The following PRRG1 variants were observed in gnomAD, a reference collection of about 807,000 sequenced individuals.
PRRG1 encodes the protein proline rich and Gla domain 1.
In PRRG1, 5 loss-of-function variants were observed where a neutral mutation model predicts 11.8. That is an observed-to-expected ratio of 0.42 (90% confidence interval 0.22 to 0.89). The LOEUF (loss-of-function observed/expected upper bound fraction) is 0.89. PRRG1 is among the 40% of genes least tolerant of loss of function. PRRG1 has a pLI of 0.28. For synonymous variants in PRRG1, 66 were observed against 60.4 expected (o/e 1.09, Z -0.43); for missense variants, 155 against 166.1 (o/e 0.93, Z 0.37).
chrX:37,432,325 A>G (rs1602029376), intron 3 of PRRG1, among the ~76,000 whole-genome samples: 1 of 108,467 alleles, frequency 9.2e-6, no homozygotes, highest in South Asian at 4.0e-4. Context: ...TGACCTCATG[A>G]TCCGCCCGCC....
At chrX:37,392,264 G>A (rs1469667333) in intron 1 of PRRG1, among the ~76,000 whole-genome samples, 6 of 111,170 alleles carry the variant, frequency 5.4e-5, no homozygotes, top group Non-Finnish European at 1.1e-4. Context: ...TAATAGTAGA[G>A]TTGGGTAGTT....
chrX:37,410,120 G>A (rs782386609), intron 2 of PRRG1, among the ~76,000 whole-genome samples: 4 of 111,886 alleles, frequency 3.6e-5, no homozygotes, highest in Non-Finnish European at 5.6e-5. Context: ...CATTCACTAT[G>A]TATGAATTCT....
At chrX:37,401,084 A>C (rs1556380095) in intron 1 of PRRG1, among the ~76,000 whole-genome samples, 2 of 110,875 alleles carry the variant, frequency 1.8e-5, no homozygotes, top group African/African-American at 6.6e-5. Flanking sequence ...ATTCCTTCTG[A>C]AACTATTCCA....
At chrX:37,363,176 C>T (rs1433385027) in intron 1 of PRRG1, among the ~76,000 whole-genome samples, 2 of 111,645 alleles carry the variant, frequency 1.8e-5, no homozygotes, top group Non-Finnish European at 3.8e-5. Flanking sequence ...TTTAAGTGCC[C>T]AAGCTCACTT....
At chrX:37,447,497 G>A (rs781982651) in intron 3 of PRRG1, among the ~76,000 whole-genome samples, 6 of 112,052 alleles carry the variant, frequency 5.4e-5, no homozygotes, top group African/African-American at 1.9e-4. Context: ...TCTTCTTCAG[G>A]CACCAAGTTT....
chrX:37,445,575 C>T, intron 3 of PRRG1, among the ~76,000 whole-genome samples: 2 of 112,722 alleles, frequency 1.8e-5, no homozygotes, highest in Middle Eastern at 9.2e-3. Context: ...GCACATACTG[C>T]ACCAAACACC....
intron 1 of PRRG1, among the ~76,000 whole-genome samples, chrX:37,393,372 A>G (rs1556377258): frequency 9.1e-6 from 1 of 109,765 alleles, no homozygotes; most frequent in African/African-American, 3.3e-5. Flanking sequence ...ATATATCTAT[A>G]CCTCAAGCTT....
chrX:37,402,827 A>G (rs782584751), intron 1 of PRRG1, among the ~76,000 whole-genome samples: 49 of 111,769 alleles, frequency 4.4e-4, no homozygotes, highest in African/African-American at 1.5e-3. Flanking sequence ...AAGGACATGA[A>G]CAGACACTTC....
At chrX:37,394,380 C>T (rs1556377543) in intron 1 of PRRG1, among the ~76,000 whole-genome samples, 1 of 111,470 alleles carries the variant, frequency 9.0e-6, no homozygotes, top group Non-Finnish European at 1.9e-5. Context: ...CCACAGGGCC[C>T]TTAGATCCTT....
intron 2 of PRRG1, among the ~76,000 whole-genome samples, chrX:37,425,355 A>AT (rs57086795): frequency 2.7e-5 from 3 of 109,960 alleles, no homozygotes; most frequent in Non-Finnish European, 5.7e-5. Flanking sequence ...ACTTCTCACA[A>AT]TTTTTTTTTA....
chrX:37,370,326 C>T (rs1930724678), intron 1 of PRRG1, among the ~76,000 whole-genome samples: 1 of 112,161 alleles, frequency 8.9e-6, no homozygotes, highest in Non-Finnish European at 1.9e-5. Context: ...CTTTGACATA[C>T]TGATTTATAT....
intron 1 of PRRG1, among the ~76,000 whole-genome samples, chrX:37,375,531 G>C (rs147914317): frequency 9.0e-6 from 1 of 111,504 alleles, no homozygotes; most frequent in Admixed American, 9.5e-5. Context: ...TTTACCTAGC[G>C]TTTATATTGT....
chrX:37,378,510 T>TA (rs1458086150), intron 1 of PRRG1, among the ~76,000 whole-genome samples: 1 of 111,885 alleles, frequency 8.9e-6, no homozygotes, highest in African/African-American at 3.2e-5. Context: ...CCTTGATAGT[T>TA]AAAACTGCAG....
intron 1 of PRRG1, among the ~76,000 whole-genome samples, chrX:37,350,946 C>G (rs888486821): frequency 1.8e-5 from 2 of 110,861 alleles, no homozygotes; most frequent in Non-Finnish European, 3.8e-5. Flanking sequence ...TGCCTTTTCT[C>G]TTTTCTAGTG....
intron 1 of PRRG1, among the ~76,000 whole-genome samples, chrX:37,358,792 G>A (rs782433539): frequency 9.0e-6 from 1 of 111,374 alleles, no homozygotes; most frequent in African/African-American, 3.3e-5. Flanking sequence ...CACTGAATTC[G>A]TAGATCAAGT....
chrX:37,351,613 T>G (rs1930070088), intron 1 of PRRG1, among the ~76,000 whole-genome samples: 1 of 112,524 alleles, frequency 8.9e-6, no homozygotes, highest in Non-Finnish European at 1.9e-5. Context: ...TTGAGCAGCA[T>G]TATTTGGAAT....
chrX:37,390,045 C>T (rs1931472109), intron 1 of PRRG1, among the ~76,000 whole-genome samples: 1 of 111,696 alleles, frequency 9.0e-6, no homozygotes, highest in Non-Finnish European at 1.9e-5. Context: ...GCTCACAGTT[C>T]TGGAAGCTGG....
chrX:37,411,170 TA>T (rs1932340813), intron 2 of PRRG1, among the ~76,000 whole-genome samples: 2 of 112,096 alleles, frequency 1.8e-5, no homozygotes, highest in Non-Finnish European at 3.8e-5. Flanking sequence ...ATACAGTATG[TA>T]AACATAGCAT....
chrX:37,373,154 A>G (rs1246174088), intron 1 of PRRG1, among the ~76,000 whole-genome samples: 3 of 111,966 alleles, frequency 2.7e-5, no homozygotes, highest in African/African-American at 6.5e-5. Context: ...GTATTTGTCT[A>G]TGTGTCTGTT....
Sources: gnomAD v4.1 joint callset for allele counts (sites outside exome capture counted in the v4.1 genomes callset) on GRCh38, gnomAD v4.1.1 for gene constraint, MANE v1.5 for transcripts, NCBI Gene and HGNC (gene_info 2026-07-23, HGNC 2026-07-21) for gene names.